The following TMEM161B variants were observed in gnomAD, a reference collection of about 807,000 sequenced individuals.
The protein encoded by TMEM161B is transmembrane protein 161B.
In TMEM161B, 34 loss-of-function variants were observed where a neutral mutation model predicts 61.8. That is an observed-to-expected ratio of 0.55 (90% CI 0.42 to 0.73). TMEM161B has a LOEUF of 0.73. TMEM161B is among the 30% of genes least tolerant of loss of function. TMEM161B has a pLI of 0.00. For missense variants in TMEM161B, 456 were observed against 558.5 expected, an observed-to-expected ratio of 0.82 and a Z score of 1.85; for synonymous variants, 167 against 192.8, an observed-to-expected ratio of 0.87 and a Z score of 1.11.
intron 1 of TMEM161B, among the ~76,000 whole-genome samples, chr5:88,256,877 G>A (rs1301719777): frequency 1.3e-5 from 2 of 152,204 alleles, no homozygotes; most frequent in Admixed American, 1.3e-4. Context: ...CACTTTAAGA[G>A]TAAAAGACAA....
intron 4 of TMEM161B, among the ~76,000 whole-genome samples, chr5:88,223,801 A>G (rs1456676655): frequency 6.6e-6 from 1 of 152,078 alleles, no homozygotes; most frequent in Non-Finnish European, 1.5e-5. Context: ...AGGCAGGAGA[A>G]TGGCGTGAAC....
At chr5:88,247,378 C>A (rs1463917091) in intron 1 of TMEM161B, among the ~76,000 whole-genome samples, 3 of 152,040 alleles carry the variant, frequency 2.0e-5, no homozygotes, top group Non-Finnish European at 4.4e-5. Context: ...ATTAAACTAG[C>A]TCTCCTGCTG....
intron 5 of TMEM161B, among the ~76,000 whole-genome samples, chr5:88,210,075 TG>T (rs1746401277): frequency 6.6e-6 from 1 of 152,254 alleles, no homozygotes; most frequent in Non-Finnish European, 1.5e-5. Flanking sequence ...CTAGAGTGTC[TG>T]GCTTAATCCT....
chr5:88,248,106 T>C (rs1341539070), intron 1 of TMEM161B, among the ~76,000 whole-genome samples: 2 of 152,092 alleles, frequency 1.3e-5, no homozygotes, highest in African/African-American at 4.8e-5. Context: ...CTGCCTCACA[T>C]GGAAAGATCC....
At chr5:88,257,421 G>A (rs1479691945) in intron 1 of TMEM161B, among the ~76,000 whole-genome samples, 2 of 152,056 alleles carry the variant, frequency 1.3e-5, no homozygotes, top group Non-Finnish European at 2.9e-5. Flanking sequence ...ATACACAAAA[G>A]CCAAGAAAAT....
chr5:88,199,162 A>G lies in TMEM161B; in HGVS notation c.915-12T>C. ...TGGCTTCTGTCATTCTACAGATCAA[A>G]AAGTTGATACGGTGCTCTCAAAGAC... On this transcript the variant is annotated splice_polypyrimidine_tract_variant and intron_variant, in intron 9 of 11. Coordinates refer to ENST00000296595, the MANE Select transcript of TMEM161B (RefSeq NM_153354.5). The G allele has an allele frequency of 6.3e-7, 1 of 1,594,864 alleles. No homozygotes were observed. The highest frequency in any genetic ancestry group is 8.6e-7 in the Non-Finnish European group (1 of 1,169,470).
chr5:88,201,086 C>T (rs1427725987), intron 9 of TMEM161B: 1 of 151,796 alleles, frequency 6.6e-6, no homozygotes, highest in African/African-American at 2.4e-5. Flanking sequence ...ATAACTTAAC[C>T]ACGAATTCAA....
chr5:88,235,440 T>C (rs1323652182), intron 2 of TMEM161B, among the ~76,000 whole-genome samples: 1 of 152,178 alleles, frequency 6.6e-6, no homozygotes, highest in Non-Finnish European at 1.5e-5. Context: ...ATCCCCAGTG[T>C]GATGGTATCT....
intron 1 of TMEM161B, among the ~76,000 whole-genome samples, chr5:88,249,549 C>T (rs1754059463): frequency 6.6e-6 from 1 of 152,076 alleles, no homozygotes; most frequent in African/African-American, 2.4e-5. Context: ...TTTTTTAAAA[C>T]TCAGATCGTA....
In TMEM161B at chr5:88,205,721, A is replaced by G. The variant is rs1347880148; in HGVS notation, c.800+93T>C. ...CATCAAATGGTTATTAATTTTCAATACAATAATTTATGATTACATTACAAT... is the reference window on the plus strand; with the variant it reads ...CATCAAATGGTTATTAATTTTCAATGCAATAATTTATGATTACATTACAAT... On this transcript the variant is annotated intron_variant, in intron 8 of 11. Coordinates refer to ENST00000296595, the MANE Select transcript of TMEM161B (RefSeq NM_153354.5). 22 of 1,404,938 alleles carry G rather than the reference A, an allele frequency of 1.6e-5. No individual in the cohort carries two copies. In the Admixed American group the frequency reaches 4.7e-4, roughly 30 times the overall value. 87.0% of individuals were successfully genotyped at this position (1,404,938 alleles called of 1,614,324 possible).
intron 1 of TMEM161B, among the ~76,000 whole-genome samples, chr5:88,260,538 A>G (rs1295187255): frequency 6.6e-6 from 1 of 152,010 alleles, no homozygotes; most frequent in East Asian, 1.9e-4. Flanking sequence ...TGCAATCTCA[A>G]ACTCCTGGGC....
chr5:88,242,091 C>T (rs1752840993), intron 1 of TMEM161B, among the ~76,000 whole-genome samples: 1 of 151,692 alleles, frequency 6.6e-6, no homozygotes, highest in Non-Finnish European at 1.5e-5. Flanking sequence ...TGTGTAATAC[C>T]TGTAAGTCTC....
chr5:88,190,261 GCTGTCGGCAGGTAACACACCGCTGTGT>G (rs1210921765), downstream of TMEM161B: 7 of 700,556 alleles, frequency 1.0e-5, no homozygotes, highest in African/African-American at 1.2e-4. Context: ...CTTGCATTAT[GCTGTCGGCAGGTAACACACCGCTGTGT>G]CAGTTTTGGC....
intron 1 of TMEM161B, among the ~76,000 whole-genome samples, chr5:88,259,073 G>C (rs921853094): frequency 3.3e-5 from 5 of 152,112 alleles, no homozygotes; most frequent in African/African-American, 1.2e-4. Flanking sequence ...TCTACTAGTA[G>C]AGAAAAATCT....
intron 2 of TMEM161B, 52 bp downstream of exon 2, chr5:88,240,761 G>C: frequency 5.3e-6 from 7 of 1,325,600 alleles, no homozygotes; most frequent in Non-Finnish European, 7.6e-6. Flanking sequence ...TAATCAGTTT[G>C]GTAAACTAGA....
downstream of TMEM161B, chr5:88,190,313 G>C: frequency 2.9e-6 from 2 of 698,422 alleles, no homozygotes. Flanking sequence ...GCTGACAAAT[G>C]CGAGATGTAG....
At chr5:88,216,497 C>T (rs33713) in intron 5 of TMEM161B, among the ~76,000 whole-genome samples, 78,821 of 152,034 alleles carry the variant, frequency 0.52, 23,050 homozygotes, top group East Asian at 0.77. Context: ...GGAGTTAGTG[C>T]AACACTGGAT....
intron 2 of TMEM161B, among the ~76,000 whole-genome samples, chr5:88,234,390 C>T (rs1455446389): frequency 6.6e-6 from 1 of 152,180 alleles, no homozygotes; most frequent in African/African-American, 2.4e-5. Flanking sequence ...AGCATACAAA[C>T]TCTGCCAGGC....
intron 3 of TMEM161B, among the ~76,000 whole-genome samples, chr5:88,227,083 T>G (rs1194839073): frequency 6.6e-6 from 1 of 151,940 alleles, no homozygotes; most frequent in South Asian, 2.1e-4. Context: ...CAGCTACTCG[T>G]GAGGCTGAGG....
Sources: allele counts gnomAD v4.1 joint callset (sites outside exome capture counted in the v4.1 genomes callset), GRCh38; gene constraint gnomAD v4.1.1; transcripts MANE v1.5; gene names NCBI Gene and HGNC (gene_info 2026-07-23, HGNC 2026-07-21).